Variants in SEMA5A observed in about 807,000 individuals in gnomAD.
The protein encoded by SEMA5A is semaphorin 5A, also known as semaphorin-5A.
A neutral mutation model predicts 135.5 loss-of-function variants in SEMA5A; 55 were observed. That is an observed-to-expected ratio of 0.41 (90% CI 0.33 to 0.51). The LOEUF is 0.51. Among genes scored for constraint, SEMA5A ranks in the 20% least tolerant of loss-of-function variants. SEMA5A has a pLI of 0.37. For synonymous variants in SEMA5A, 580 were observed against 546.5 expected, an observed-to-expected ratio of 1.06 and a Z score of -0.85; for missense variants, 1,290 against 1,419.9, an observed-to-expected ratio of 0.91 and a Z score of 1.47.
At chr5:9,117,187 C>T (rs894985518) in intron 15 of SEMA5A, among the ~76,000 whole-genome samples, 16 of 152,142 alleles carry the variant, frequency 1.1e-4, no homozygotes, top group African/African-American at 3.6e-4. Context: ...CTGAAGACAC[C>T]GCTGTATGAA....
rs780495851 is a variant in SEMA5A at position 9,154,720 on chromosome 5, G to C, written c.1274-25C>G. On this transcript the variant is annotated intron_variant, in intron 11 of 22. Transcript: ENST00000382496. ...TCTATGAAGGTCACAGGATGAAAAG[G>C]AAACAAGGTCAGAGGGTCTCACAAA... 8 of 1,603,728 alleles carry C rather than the reference G, an allele frequency of 5.0e-6. No homozygotes were observed. In the South Asian group the frequency reaches 7.7e-5, roughly 15 times the overall value.
chr5:9,312,488 T>A (rs1752187323), intron 5 of SEMA5A, among the ~76,000 whole-genome samples: 2 of 152,172 alleles, frequency 1.3e-5, no homozygotes, highest in Admixed American at 6.5e-5. Flanking sequence ...GGTCTTTAAA[T>A]GTTAAGAGAC....
intron 1 of SEMA5A, among the ~76,000 whole-genome samples, chr5:9,514,952 C>T (rs1736423811): frequency 6.6e-6 from 1 of 152,184 alleles, no homozygotes; most frequent in African/African-American, 2.4e-5. Context: ...GCAATTCTCT[C>T]GTTCTGTCAA....
intron 12 of SEMA5A, 119 bp from the exon 13 acceptor site, chr5:9,136,740 A>AT: frequency 1.3e-6 from 1 of 779,806 alleles, no homozygotes. Flanking sequence ...ATGAAGCCCA[A>AT]TGGGTATTTA....
At chr5:9,227,172 A>G (rs995885580) in intron 6 of SEMA5A, among the ~76,000 whole-genome samples, 1 of 152,176 alleles carries the variant, frequency 6.6e-6, no homozygotes, top group African/African-American at 2.4e-5. Context: ...GAGCTATTAA[A>G]CAATTTGATT....
rs1354884732 is a variant in SEMA5A, at chr5:9,040,996, T to C, written c.*1901A>G. The C allele has an allele frequency of 2.0e-5, 3 of 152,174 alleles. No homozygotes were observed. Among genetic ancestry groups the C allele is most frequent in the Non-Finnish European group, 4.4e-5 (3 of 68,028 alleles). The allele number at this position is 152,174 out of a possible 1,614,324, so 9.4% of individuals were successfully genotyped here. On this transcript the variant is annotated 3_prime_UTR_variant, in exon 23 of 23. Transcript: ENST00000382496. ...CCGGCTAGATTTCCCCTACTGAGTA[T>C]GGACTTTGAGCATGTGCATATAGAC...
chr5:9,227,587 G>C lies in SEMA5A; in HGVS notation c.334-620C>G, dbSNP rs536128646. Among the ~76,000 whole-genome samples the C allele has an allele frequency of 1.0e-4, 14 of 136,370 alleles. No individual in the cohort carries two copies. The East Asian group carries it at 2.7e-3, about 26-fold the overall frequency. 89.5% of individuals were successfully genotyped at this position (136,370 alleles called of 152,430 possible). ...TTTTTTTGAGACGGAGTCTCGCTCT[G>C]TCGCCCAGGCTGGAGTGCCGTGGTG... On this transcript the variant is annotated intron_variant, in intron 6 of 22. Coordinates refer to ENST00000382496, the MANE Select transcript of SEMA5A (RefSeq NM_003966.3).
chr5:9,054,338 G>A (rs1736770486), intron 18 of SEMA5A, 81 bp from the exon 19 acceptor site: 1 of 1,513,940 alleles, frequency 6.6e-7, no homozygotes, highest in African/African-American at 1.4e-5. Flanking sequence ...GAAGCTAAGT[G>A]GATTCTGTTT....
intron 22 of SEMA5A, among the ~76,000 whole-genome samples, chr5:9,043,934 G>T (rs1299334475): frequency 6.6e-6 from 1 of 152,194 alleles, no homozygotes; most frequent in South Asian, 2.1e-4. Flanking sequence ...GAAAGCTGTT[G>T]TTCATGGAAG....
intron 4 of SEMA5A, among the ~76,000 whole-genome samples, chr5:9,331,764 C>A (rs1753142979): frequency 1.3e-5 from 2 of 152,188 alleles, no homozygotes; most frequent in South Asian, 4.1e-4. Flanking sequence ...AATTTTAATG[C>A]ACCTAAGTTT....
At chr5:9,254,125 A>G (rs1370457545) in intron 5 of SEMA5A, among the ~76,000 whole-genome samples, 1 of 152,208 alleles carries the variant, frequency 6.6e-6, no homozygotes, top group East Asian at 1.9e-4. Flanking sequence ...ATATTCCTAC[A>G]TAGTCAGTGG....
intron 5 of SEMA5A, among the ~76,000 whole-genome samples, chr5:9,243,089 G>A (rs991422779): frequency 2.6e-5 from 4 of 152,198 alleles, no homozygotes; most frequent in African/African-American, 9.6e-5. Flanking sequence ...AGTTGACAAT[G>A]TATTCATTCC....
At chr5:9,313,686 T>C (rs571730166) in intron 5 of SEMA5A, among the ~76,000 whole-genome samples, 1 of 152,262 alleles carries the variant, frequency 6.6e-6, no homozygotes, top group East Asian at 1.9e-4. Context: ...GGCTGTGAAA[T>C]GCCTCAGAGG....
chr5:9,320,217 A>G (rs898850829), intron 4 of SEMA5A, among the ~76,000 whole-genome samples: 2 of 152,160 alleles, frequency 1.3e-5, no homozygotes, highest in African/African-American at 2.4e-5. Flanking sequence ...CCTCTGATAT[A>G]CCCCAAGAGA....
At chr5:9,066,958 GAGTAGCTAAA>G (rs1737508867) in intron 16 of SEMA5A, among the ~76,000 whole-genome samples, 1 of 152,112 alleles carries the variant, frequency 6.6e-6, no homozygotes, top group South Asian at 2.1e-4. Context: ...TTCACTTAAT[GAGTAGCTAAA>G]AGTACCCATT....
intron 12 of SEMA5A, among the ~76,000 whole-genome samples, chr5:9,146,282 C>T (rs1372877988): frequency 6.6e-6 from 1 of 152,156 alleles, no homozygotes; most frequent in Non-Finnish European, 1.5e-5. Context: ...AAACTCGGTG[C>T]ATTTACTTTC....
intron 12 of SEMA5A, among the ~76,000 whole-genome samples, chr5:9,152,983 G>T (rs900541246): frequency 2.6e-5 from 4 of 151,686 alleles, no homozygotes; most frequent in South Asian, 2.1e-4. Context: ...AAAGAGAATC[G>T]CTTGAACCCA....
intron 1 of SEMA5A, among the ~76,000 whole-genome samples, chr5:9,473,806 T>C (rs1004519469): frequency 6.6e-6 from 1 of 152,080 alleles, no homozygotes; most frequent in African/African-American, 2.4e-5. Flanking sequence ...ATACCAGGCA[T>C]GAATATCCAA....
At chr5:9,403,088 C>G (rs573996605) in intron 2 of SEMA5A, among the ~76,000 whole-genome samples, 2 of 152,262 alleles carry the variant, frequency 1.3e-5, no homozygotes, top group South Asian at 4.2e-4. Context: ...AATTTTCTAT[C>G]TTCTCCCATT....
Sources: allele counts gnomAD v4.1 joint callset (sites outside exome capture counted in the v4.1 genomes callset), GRCh38; gene constraint gnomAD v4.1.1; transcripts MANE v1.5; gene names NCBI Gene and HGNC (gene_info 2026-07-23, HGNC 2026-07-21).